The following USP22 variants were observed in gnomAD, a reference collection of about 807,000 sequenced individuals.
USP22 encodes the protein ubiquitin carboxyl-terminal hydrolase 22.
Under a neutral mutation model 68.1 loss-of-function variants are expected in USP22, and 22 were observed. The observed-to-expected ratio is 0.32, with a 90% CI of 0.23 to 0.46. USP22 has a LOEUF of 0.46. Among genes scored for constraint, USP22 ranks in the 20% least tolerant of loss-of-function variants. The pLI, the probability that USP22 is intolerant of heterozygous loss-of-function variation, is 1.00. For synonymous variants in USP22, 279 were observed against 274.2 expected, an observed-to-expected ratio of 1.02 and a Z score of -0.17; for missense variants, 433 against 695.8, an observed-to-expected ratio of 0.62 and a Z score of 4.25.
At chr17:21,019,678 T>G (rs1399399800) in intron 3 of USP22, among the ~76,000 whole-genome samples, 1 of 152,170 alleles carries the variant, frequency 6.6e-6, no homozygotes, top group Non-Finnish European at 1.5e-5. Flanking sequence ...CAGAGAGTGG[T>G]GGTAAATGCT....
At chr17:21,014,045 G>C (rs1287846319) in intron 6 of USP22, among the ~76,000 whole-genome samples, 1 of 152,256 alleles carries the variant, frequency 6.6e-6, no homozygotes, top group Non-Finnish European at 1.5e-5. Context: ...CTGCACTCCA[G>C]CCTGGCGACA....
intron 2 of USP22, among the ~76,000 whole-genome samples, chr17:21,023,347 T>C (rs942507656): frequency 3.3e-4 from 50 of 152,086 alleles, no homozygotes; most frequent in Non-Finnish European, 2.9e-5. Context: ...AAAGTTAAAA[T>C]ATTTTTTAAA....
At chr17:21,040,929 G>A (rs1249135179) in intron 1 of USP22, among the ~76,000 whole-genome samples, 1 of 148,688 alleles carries the variant, frequency 6.7e-6, no homozygotes, top group Non-Finnish European at 1.5e-5. Context: ...CTGTCACCCA[G>A]TCTGGAGTAC....
chr17:21,037,604 G>T (rs1972373646), intron 1 of USP22, among the ~76,000 whole-genome samples: 1 of 152,150 alleles, frequency 6.6e-6, no homozygotes, highest in East Asian at 1.9e-4. Context: ...AAACTCTCAA[G>T]GTCACCAAAC....
rs531508463 is a variant in USP22, at chr17:21,037,585, G to A, written c.171+5080C>T. On this transcript the variant is annotated intron_variant, in intron 1 of 12. Coordinates refer to ENST00000261497, the MANE Select transcript of USP22 (RefSeq NM_015276.2). The stretch of plus-strand genomic sequence containing the variant: ...GACATTCTACAAACTACATGACCGG[G>A]ACTCCTCAAAACTCTCAAGGTCACC... 1.5e-4 allele frequency among the ~76,000 whole-genome samples: 23 copies of A among 152,260 alleles called. No individual in the cohort carries two copies. In the East Asian group the frequency reaches 4.4e-3, roughly 29 times the overall value.
At chr17:21,016,366 T>C (rs72840117) in intron 5 of USP22, among the ~76,000 whole-genome samples, 3,128 of 152,292 alleles carry the variant, frequency 0.021, 57 homozygotes, top group Non-Finnish European at 0.03. Flanking sequence ...TGCCAGCCAG[T>C]CCTCTCCAAC....
At position 21,039,391 on chromosome 17, in the gene USP22, A is replaced by C. The variant is rs112501969; in HGVS notation, c.171+3274T>G. On this transcript the variant is annotated intron_variant, in intron 1 of 12. Coordinates refer to ENST00000261497, the MANE Select transcript of USP22 (RefSeq NM_015276.2). ...TTGGGAGTTCGAGACCAGTCTGACCAACATGAAGAAACCCCATCTCTACGA... is the reference window on the plus strand; with the variant it reads ...TTGGGAGTTCGAGACCAGTCTGACCCACATGAAGAAACCCCATCTCTACGA... Among the ~76,000 whole-genome samples the C allele has an allele frequency of 4.2e-4, 64 of 151,798 alleles. 1 individual carries two copies. The highest frequency in any genetic ancestry group is 1.4e-3 in the African/African-American group (60 of 41,448).
At chr17:21,030,292 T>G (rs1208721204) in intron 1 of USP22, among the ~76,000 whole-genome samples, 1 of 152,224 alleles carries the variant, frequency 6.6e-6, no homozygotes, top group Non-Finnish European at 1.5e-5. Flanking sequence ...TCAGTACTGA[T>G]GCACCTATCC....
Position 21,042,870 on chromosome 17 carries a change from GGCGAGGGAGGCGAGGACGACGCCA to G in USP22, c.-59_-36del. 8.2e-7 allele frequency: 1 copy of G among 1,221,170 alleles called. No individual in the cohort carries two copies. The highest frequency in any genetic ancestry group is 1.0e-6 in the Non-Finnish European group (1 of 976,088). The allele number at this position is 1,221,170 out of a possible 1,614,324, so 75.6% of individuals were successfully genotyped here. On this transcript the variant is annotated 5_prime_UTR_variant, in exon 1 of 13. Coordinates refer to ENST00000261497, the MANE Select transcript of USP22 (RefSeq NM_015276.2). ...GGCCCGGCCGCGCGCGGGGGGCGGC[GGCGAGGGAGGCGAGGACGACGCCA>G]GCGCGGCGTGGGGGCTGCTCGGCGG...
chr17:21,041,017 TG>T (rs1972422702), intron 1 of USP22, among the ~76,000 whole-genome samples: 1 of 151,886 alleles, frequency 6.6e-6, no homozygotes, highest in Non-Finnish European at 1.5e-5. Context: ...CTGGAGTAGC[TG>T]GGATTACAGG....
chr17:21,009,015 T>C (rs906282055), intron 8 of USP22, among the ~76,000 whole-genome samples: 1 of 137,608 alleles, frequency 7.3e-6, no homozygotes, highest in Non-Finnish European at 1.5e-5. Flanking sequence ...CGCTTGAACC[T>C]GGGAGATGGA....
intron 2 of USP22, among the ~76,000 whole-genome samples, chr17:21,023,539 A>C (rs944798537): frequency 6.6e-6 from 1 of 151,348 alleles, no homozygotes; most frequent in Non-Finnish European, 1.5e-5. Context: ...CAGCTACTCA[A>C]GAGGCTTAGG....
At position 21,011,293 on chromosome 17, in the gene USP22, T is replaced by C. The variant is rs1913963351; in HGVS notation, c.961A>G (p.Ile321Val). ...CQVCHGVSTTIDPFWDISLDL... is the reference protein window; with the variant it reads ...CQVCHGVSTTVDPFWDISLDL... ...AAGCTGATGTCCCAGAAGGGGTCGA[T>C]GGTGGTGGAGACTCCACTGGAAGCA... Residue 321 changes from isoleucine (I) to valine (V), a missense_variant, in exon 8 of 13, where the codon ATC becomes GTC. Transcript: ENST00000261497. 6.4e-7 allele frequency: 1 copy of C among 1,561,738 alleles called. No homozygotes were observed. The highest frequency in any genetic ancestry group is 8.7e-7 in the Non-Finnish European group (1 of 1,152,390).
chr17:21,006,550 G>C (rs1448503268), intron 10 of USP22: 1 of 151,850 alleles, frequency 6.6e-6, no homozygotes, highest in African/African-American at 2.5e-5. Flanking sequence ...CTGTCACCAG[G>C]CTGGAGTGCA....
At chr17:21,031,978 T>C (rs1209998174) in intron 1 of USP22, among the ~76,000 whole-genome samples, 1 of 152,248 alleles carries the variant, frequency 6.6e-6, no homozygotes, top group African/African-American at 2.4e-5. Flanking sequence ...ACCTCAATCT[T>C]ATGTCTGGTA....
chr17:21,019,098 G>A lies in USP22; in HGVS notation c.506C>T (p.Ser169Leu), dbSNP rs763478067. 4.3e-6 allele frequency: 7 copies of A among 1,614,092 alleles called. No individual in the cohort carries two copies. Among genetic ancestry groups the A allele is most frequent in the South Asian group, 2.2e-5 (2 of 91,080 alleles). The change falls in exon 4 of 13, where the codon TCG becomes TTG. Residue 169 changes from serine (S) to leucine (L), a missense_variant. By Grantham distance (145) the Ser-to-Leu change is moderately radical. Coordinates refer to ENST00000261497, the MANE Select transcript of USP22 (RefSeq NM_015276.2). ...KHNPKRRKIT[S>L]NCTIGLRGLI... ...GCTCCACCCACCTATGGTGCAGTTC[G>A]AGGTGATCTTTCTCCTTTTCGGGTT...
rs1913629645 is a variant in USP22 at position 21,002,724 on chromosome 17, A to T, written c.*307T>A. ...CAGGCAGCGGTCACTCTGTGCTGTG[A>T]GGCCCCCGTTGCACCCCCATGTCAT... On this transcript the variant is annotated 3_prime_UTR_variant, in exon 13 of 13. Coordinates refer to ENST00000261497, the MANE Select transcript of USP22 (RefSeq NM_015276.2). 8 of 370,650 alleles carry T rather than the reference A, an allele frequency of 2.2e-5. 1 individual carries two copies. The highest frequency in any genetic ancestry group is 9.2e-5 in the South Asian group (4 of 43,268). The allele number at this position is 370,650 out of a possible 1,614,324, so 23.0% of individuals were successfully genotyped here.
At chr17:21,003,476 C>T (rs974831336) in intron 12 of USP22, among the ~76,000 whole-genome samples, 6 of 152,226 alleles carry the variant, frequency 3.9e-5, no homozygotes, top group African/African-American at 1.4e-4. Context: ...GCTTGGCTTC[C>T]GTGTTGCTCA....
At chr17:21,021,459 G>A (rs141414195) in intron 2 of USP22, among the ~76,000 whole-genome samples, 6 of 152,228 alleles carry the variant, frequency 3.9e-5, no homozygotes, top group African/African-American at 7.2e-5. Context: ...AAACAGAGGC[G>A]ACCCATACAT....
Sources: allele counts gnomAD v4.1 joint callset (sites outside exome capture counted in the v4.1 genomes callset), GRCh38; gene constraint gnomAD v4.1.1; transcripts MANE v1.5; gene names NCBI Gene and HGNC (gene_info 2026-07-23, HGNC 2026-07-21).